Variants in ATAD2B observed in about 807,000 individuals in gnomAD.
ATAD2B encodes ATPase family AAA domain containing 2B.
A neutral mutation model predicts 167.6 loss-of-function variants in ATAD2B; 40 were observed. The observed-to-expected ratio is 0.24, with a 90% CI of 0.19 to 0.31. ATAD2B has a LOEUF of 0.31. ATAD2B is among the 10% of genes least tolerant of loss of function. ATAD2B has a pLI of 1.00. For missense variants in ATAD2B, 1,242 were observed against 1,757.2 expected, an observed-to-expected ratio of 0.71 and a Z score of 5.24; for synonymous variants, 579 against 596.5, an observed-to-expected ratio of 0.97 and a Z score of 0.43.
chr2:23,905,414 C>T (rs1233546539), intron 1 of ATAD2B, among the ~76,000 whole-genome samples: 2 of 152,128 alleles, frequency 1.3e-5, no homozygotes, highest in African/African-American at 4.8e-5. Context: ...GTCCCAGCAA[C>T]TCAGGAAGCT....
rs1277659723 is a variant in ATAD2B, at chr2:23,843,141, CAT to C, written c.1569-9065_1569-9064del. ...AACATGCTTAAATGCATGAAAATCA[CAT>C]TGGAAAAACAGAAACAATGAAAAAC... On this transcript the variant is annotated intron_variant, in intron 13 of 27. Coordinates refer to ENST00000238789, the MANE Select transcript of ATAD2B (RefSeq NM_017552.4). 1.2e-4 allele frequency among the ~76,000 whole-genome samples: 18 copies of C among 152,284 alleles called. No individual in the cohort carries two copies. The East Asian group carries it at 3.5e-3, about 29-fold the overall frequency.
chr2:23,761,629 A>G, intron 24 of ATAD2B, among the ~76,000 whole-genome samples: 1 of 152,264 alleles, frequency 6.6e-6, no homozygotes, highest in East Asian at 1.9e-4. Context: ...GAACTCTATT[A>G]GAAAGACGCA....
At chr2:23,764,988 A>G (rs897967540) in intron 23 of ATAD2B, among the ~76,000 whole-genome samples, 4 of 152,210 alleles carry the variant, frequency 2.6e-5, no homozygotes, top group Non-Finnish European at 4.4e-5. Context: ...TGCATACACC[A>G]CACTGTACTT....
intron 18 of ATAD2B, among the ~76,000 whole-genome samples, chr2:23,800,817 A>AT (rs1368838277): frequency 6.6e-6 from 1 of 151,412 alleles, no homozygotes. Context: ...GTCCTTCTTG[A>AT]TTAAAAAAAA....
intron 16 of ATAD2B, among the ~76,000 whole-genome samples, chr2:23,821,100 T>C (rs1043448021): frequency 6.6e-6 from 1 of 152,142 alleles, no homozygotes; most frequent in Non-Finnish European, 1.5e-5. Flanking sequence ...TATGACTAAA[T>C]AGCTAAAAAC....
chr2:23,737,469 G>T, the ATAD2B span, among the ~76,000 whole-genome samples: 2 of 152,186 alleles, frequency 1.3e-5, no homozygotes, highest in African/African-American at 4.8e-5. Flanking sequence ...AACTCCAACA[G>T]ACCTGCAGCT....
chr2:23,696,120 C>T, the ATAD2B span: 1 of 1,551,530 alleles, frequency 6.4e-7, no homozygotes, highest in Non-Finnish European at 8.7e-7. This position sits in a 1 kb window ranked among gnomAD's most constrained non-coding sequence, Gnocchi z 5.5. Flanking sequence ...CAGGGGACAA[C>T]ATCTACCTCT....
intron 13 of ATAD2B, among the ~76,000 whole-genome samples, chr2:23,853,072 A>G (rs1237223662): frequency 6.6e-6 from 1 of 152,184 alleles, no homozygotes; most frequent in African/African-American, 2.4e-5. Context: ...TCTCACAGCA[A>G]ACTAGGAATA....
At chr2:23,880,425 T>C (rs1037369655) in intron 7 of ATAD2B, among the ~76,000 whole-genome samples, 2 of 152,050 alleles carry the variant, frequency 1.3e-5, no homozygotes, top group African/African-American at 2.4e-5. Context: ...CCTGACCTCA[T>C]GGTGGCGGGC....
chr2:23,741,157 C>T, the ATAD2B span, among the ~76,000 whole-genome samples: 4 of 151,272 alleles, frequency 2.6e-5, no homozygotes, highest in Non-Finnish European at 5.9e-5. Flanking sequence ...AATGCCATCC[C>T]AATCAAGCTA....
chr2:23,926,617 T>C lies in ATAD2B; in HGVS notation c.154A>G (p.Ser52Gly), dbSNP rs1379573769. 29 of 1,564,090 alleles carry C rather than the reference T, an allele frequency of 1.9e-5. No homozygotes were observed. Among genetic ancestry groups the C allele is most frequent in the Middle Eastern group, 1.7e-4 (1 of 5,858 alleles). The stretch of plus-strand genomic sequence containing the variant: ...CCCCCGGCTTTGGCGGCGGGGCAGC[T>C]GGCGGCGCGGGTCTTGGAGGAGCGG... ...RTRSSKTRAA[S>G]CPAAKAGGSG... Residue 52 changes from serine (S) to glycine (G), a missense_variant, in exon 1 of 28, where the codon AGC becomes GGC. Around this residue, in one of 9 missense-constraint regions of ATAD2B, gnomAD observed 199 missense variants for 194.9 expected, o/e 1.02. Coordinates refer to ENST00000238789, the MANE Select transcript of ATAD2B (RefSeq NM_017552.4).
intron 25 of ATAD2B, 166 bp from the exon 26 acceptor site, chr2:23,754,940 T>C (rs542168679): frequency 1.7e-4 from 107 of 623,100 alleles, no homozygotes; most frequent in Admixed American, 5.0e-4. Flanking sequence ...AGATTTTTTA[T>C]TGGTAAGACT....
At chr2:23,879,927 G>T (rs112985192) in intron 7 of ATAD2B, among the ~76,000 whole-genome samples, 1 of 151,702 alleles carries the variant, frequency 6.6e-6, no homozygotes, top group Non-Finnish European at 1.5e-5. Flanking sequence ...ATGTGGTTGC[G>T]GGCACCTGTA....
chr2:23,745,461 A>AAAGG (rs771582648), downstream of ATAD2B, among the ~76,000 whole-genome samples: 164 of 132,568 alleles, frequency 1.2e-3, 1 homozygote, highest in African/African-American at 3.4e-3. Context: ...GGAAGGAAGG[A>AAAGG]AAGGAAGGAA....
At chr2:23,820,978 C>A (rs1219726126) in intron 16 of ATAD2B, among the ~76,000 whole-genome samples, 3 of 151,936 alleles carry the variant, frequency 2.0e-5, no homozygotes, top group Non-Finnish European at 4.4e-5. Context: ...ATATTTAGTA[C>A]AAGTCATAGT....
intron 1 of ATAD2B, among the ~76,000 whole-genome samples, chr2:23,906,998 C>CA (rs1225307979): frequency 6.7e-6 from 1 of 149,748 alleles, no homozygotes; most frequent in Admixed American, 6.7e-5. Context: ...ATGACACACT[C>CA]ACAGCCAATA....
intron 22 of ATAD2B, among the ~76,000 whole-genome samples, chr2:23,782,529 G>C (rs1213003398): frequency 6.6e-6 from 1 of 152,174 alleles, no homozygotes; most frequent in South Asian, 2.1e-4. Context: ...CACATAAACT[G>C]ATCCTATTAT....
intron 21 of ATAD2B, among the ~76,000 whole-genome samples, chr2:23,785,216 T>C (rs1680644137): frequency 6.6e-6 from 1 of 151,926 alleles, no homozygotes; most frequent in Admixed American, 6.6e-5. Flanking sequence ...GATACAACAT[T>C]AAACCCTGAA....
chr2:23,736,633 G>A, the ATAD2B span, among the ~76,000 whole-genome samples: 1 of 152,142 alleles, frequency 6.6e-6, no homozygotes, highest in East Asian at 1.9e-4. Context: ...GAAGATGGGT[G>A]GTTTCTGCAT....
Sources: gnomAD v4.1 joint callset for allele counts (sites outside exome capture counted in the v4.1 genomes callset) on GRCh38, gnomAD v4.1.1 for gene constraint, gnomAD v4.1.1 regional missense constraint, Gnocchi (gnomAD v3.1) non-coding constraint, MANE v1.5 for transcripts, NCBI Gene and HGNC (gene_info 2026-07-23, HGNC 2026-07-21) for gene names.